ODF2: variants seen among roughly 807,000 people sequenced by gnomAD.
ODF2 encodes outer dense fiber protein 2.
In ODF2, 47 loss-of-function variants were observed where a neutral mutation model predicts 110.2. The ratio of observed to expected loss-of-function variants is 0.43; its 90% CI spans 0.34 to 0.54. The LOEUF (loss-of-function observed/expected upper bound fraction) is 0.54, where lower values mean the gene tolerates loss of function less well. Ranked by LOEUF, ODF2 falls within the 20% of genes least tolerant of loss-of-function variation. ODF2 has a pLI of 0.03. For synonymous variants in ODF2, 352 were observed against 397.7 expected (o/e 0.89, Z 1.37); for missense variants, 812 against 1,054.5 (o/e 0.77, Z 3.19).
At position 128,473,749 on chromosome 9, in the gene ODF2, T is replaced by A. The variant is rs1174304981; in HGVS notation, c.843+8T>A. ...GAACAGCACTGCAAAGAGGTGAGCT[T>A]GGGGCCTGGCTCTTTCCCTCCAGCT... On this transcript the variant is annotated splice_region_variant and intron_variant, in intron 8 of 20. Transcript: ENST00000604420. The A allele has an allele frequency of 6.2e-7, 1 of 1,611,172 alleles. No individual in the cohort carries two copies. The highest frequency in any genetic ancestry group is 1.3e-5 in the African/African-American group (1 of 74,410).
Position 128,474,509 on chromosome 9 carries a change from T to C in ODF2, c.843+768T>C, listed in dbSNP as rs192814387. Among the ~76,000 whole-genome samples, 112 of 148,510 alleles carry C rather than the reference T, an allele frequency of 7.5e-4. 1 individual carries two copies. The highest frequency in any genetic ancestry group is 3.5e-3 in the Middle Eastern group (1 of 286). On this transcript the variant is annotated intron_variant, in intron 8 of 20. Coordinates refer to ENST00000604420, the Ensembl canonical transcript of ODF2. ...TTCCATCTTGGGGAAAAAAAAAAAT[T>C]AGTCAGCCAGGTGTGGTGGCAGGCG...
intron 16 of ODF2, 152 bp downstream of exon 16, chr9:128,492,957 C>G: frequency 1.6e-6 from 1 of 609,344 alleles, no homozygotes; most frequent in Admixed American, 2.9e-5. Context: ...TCCACTCTAC[C>G]CTGTGCCTCT....
exon 19 of ODF2, chr9:128,498,470 G>A (rs1179783555): frequency 3.1e-6 from 5 of 1,613,578 alleles, no homozygotes; most frequent in Non-Finnish European, 3.4e-6. Flanking sequence ...TTGCCAAGAG[G>A]GAGGAGGCAA....
chr9:128,455,893 C>G, upstream of ODF2: 1 of 1,277,242 alleles, frequency 7.8e-7, no homozygotes, highest in Non-Finnish European at 1.0e-6. Context: ...GCAGGGGAAA[C>G]AGGGCCGAGC....
intron 10 of ODF2, 22 bp from the exon 11 acceptor site, chr9:128,483,916 C>G: frequency 6.4e-7 from 1 of 1,552,738 alleles, no homozygotes; most frequent in Non-Finnish European, 8.9e-7. Context: ...GTGCCTCCAT[C>G]ACTTTTTCCG....
Position 128,498,963 on chromosome 9 carries a change from G to A in ODF2, c.2176-38G>A, listed in dbSNP as rs145836021. ...TCTTTGCCAAGTGTTCCCCATGTCC[G>A]GTAAACCAGTCTCATGTCTGGGCCT... On this transcript the variant is annotated intron_variant, in intron 19 of 20. Coordinates refer to ENST00000604420, the Ensembl canonical transcript of ODF2. 5.1e-4 allele frequency: 825 copies of A among 1,611,466 alleles called. 5 individuals are homozygous for A. In the East Asian group the frequency reaches 8.0e-3, roughly 16 times the overall value.
At chr9:128,457,577 T>C (rs1310036782) in intron 2 of ODF2, 2 of 1,146,130 alleles carry the variant, frequency 1.7e-6, no homozygotes, top group Non-Finnish European at 2.4e-6. Context: ...AAATCGTTTT[T>C]AAAGGGAAGG....
chr9:128,471,311 A>C, exon 6 of ODF2: 2 of 1,608,456 alleles, frequency 1.2e-6, no homozygotes, highest in South Asian at 2.2e-5. Context: ...TGCTCAGGTC[A>C]AGATGCAAAA....
intron 3 of ODF2, chr9:128,460,243 G>C: frequency 7.5e-7 from 1 of 1,334,048 alleles, no homozygotes; most frequent in Non-Finnish European, 9.8e-7. Flanking sequence ...AGCAGGTTTA[G>C]AGGAGATCCA....
chr9:128,498,087 C>T (rs1276725768), intron 18 of ODF2: 1 of 186,240 alleles, frequency 5.4e-6, no homozygotes, highest in Non-Finnish European at 1.1e-5. Flanking sequence ...GGCTCAGTTT[C>T]TTCATTTCTG....
At position 128,494,647 on chromosome 9, in the gene ODF2, CAT is replaced by C. The variant is rs1357268807; in HGVS notation, c.1893_1894del (p.Ser632ArgfsTer28). The C allele has an allele frequency of 6.2e-7, 1 of 1,614,200 alleles. No homozygotes were observed. The highest frequency in any genetic ancestry group is 2.2e-5 in the East Asian group (1 of 44,878). On this transcript the variant is annotated frameshift_variant, in exon 17 of 21. Coordinates refer to ENST00000604420, the Ensembl canonical transcript of ODF2. LOFTEE classifies it high-confidence loss of function. The surrounding 1 kb of genome is among the most constrained non-coding windows in gnomAD (Gnocchi z 4.6). ...GGAAGAACATCGACCTCACAGCCATCATATCAGACCTGCGCAGCCGGGTAAGG... is the reference window on the plus strand; with the variant it reads ...GGAAGAACATCGACCTCACAGCCATCATCAGACCTGCGCAGCCGGGTAAGG...
At chr9:128,481,650 C>T (rs898916774) in exon 9 of ODF2, 7 of 1,612,984 alleles carry the variant, frequency 4.3e-6, no homozygotes, top group East Asian at 2.2e-5. Context: ...TCAGAGAAAG[C>T]GGTAACTAAG....
intron 6 of ODF2, among the ~76,000 whole-genome samples, chr9:128,472,273 T>A (rs1257800414): frequency 6.6e-6 from 1 of 152,184 alleles, no homozygotes; most frequent in African/African-American, 2.4e-5. Context: ...AGTGGCGTGA[T>A]CCTGGCTCAC....
intron 8 of ODF2, among the ~76,000 whole-genome samples, chr9:128,475,951 A>G (rs926762034): frequency 1.3e-5 from 2 of 151,536 alleles, no homozygotes; most frequent in African/African-American, 4.8e-5. Flanking sequence ...GCCGAGTTCA[A>G]CTTCTTTAGG....
At chr9:128,469,044 C>T in intron 4 of ODF2, 139 bp from the exon 5 acceptor site, 1 of 682,356 alleles carries the variant, frequency 1.5e-6, no homozygotes, top group Non-Finnish European at 2.5e-6. Flanking sequence ...CACAAGGGTT[C>T]AGAGTATGTT....
intron 4 of ODF2, among the ~76,000 whole-genome samples, chr9:128,462,369 G>A (rs1234004295): frequency 6.6e-5 from 10 of 152,022 alleles, no homozygotes; most frequent in African/African-American, 1.4e-4. Context: ...GGCTGGTCTC[G>A]AACTCCCGAC....
chr9:128,456,438 TCTC>T (rs1394036894), intron 1 of ODF2, 183 bp downstream of exon 1: 8 of 1,509,994 alleles, frequency 5.3e-6, no homozygotes, highest in Admixed American at 2.1e-5. Context: ...GCGCGGGGCC[TCTC>T]CTCCTCCCGC....
At chr9:128,460,360 A>T in intron 3 of ODF2, 190 bp from the exon 3 acceptor site, 3 of 1,436,844 alleles carry the variant, frequency 2.1e-6, no homozygotes, top group Non-Finnish European at 1.8e-6. Context: ...TTCTGCTGGG[A>T]TCTCTGCAGG....
At chr9:128,477,576 A>T (rs1394452054) in intron 8 of ODF2, among the ~76,000 whole-genome samples, 3 of 151,502 alleles carry the variant, frequency 2.0e-5, no homozygotes, top group African/African-American at 7.3e-5. Context: ...ATAACAAGTA[A>T]TGTAAAGTGG....
Sources: gnomAD v4.1 joint callset for allele counts (sites outside exome capture counted in the v4.1 genomes callset) on GRCh38, gnomAD v4.1.1 for gene constraint, Gnocchi (gnomAD v3.1) non-coding constraint, MANE v1.5 for transcripts, NCBI Gene and HGNC (gene_info 2026-07-23, HGNC 2026-07-21) for gene names.